Variants in PAFAH2 observed in about 807,000 individuals in gnomAD.
PAFAH2 encodes platelet activating factor acetylhydrolase 2, also known as platelet-activating factor acetylhydrolase 2, cytoplasmic.
A neutral mutation model predicts 49.0 loss-of-function variants in PAFAH2; 42 were observed. That is an observed-to-expected ratio of 0.86 (90% CI 0.67 to 1.11). The LOEUF is 1.11. Among genes scored for constraint, PAFAH2 ranks in the 50% least tolerant of loss-of-function variants. PAFAH2 has a pLI of 0.00. For synonymous variants in PAFAH2, 184 were observed against 181.3 expected (o/e 1.01, Z -0.12); for missense variants, 503 against 501.8 (o/e 1.00, Z -0.02).
chr1:25,974,483 A>G lies in PAFAH2; in HGVS notation c.926T>C (p.Val309Ala), dbSNP rs764040248. The G allele has an allele frequency of 5.0e-6, 8 of 1,603,454 alleles. No individual in the cohort carries two copies. In the Middle Eastern group the frequency reaches 5.0e-4, roughly 100 times the overall value. Residue 309 changes from valine (V) to alanine (A), a missense_variant, in exon 9 of 11, where the codon GTT becomes GCT. Coordinates refer to ENST00000374282, the MANE Select transcript of PAFAH2 (RefSeq NM_000437.4). ...AQHEQSRIITVLGSVHRSQTD... is the reference protein window; with the variant it reads ...AQHEQSRIITALGSVHRSQTD... Reference sequence around the variant, plus strand: ...CACGACCTTGTGGTTTACTCACAGAACGGTTATGATCCTAGACTGTTCATG... The same window carrying G: ...CACGACCTTGTGGTTTACTCACAGAGCGGTTATGATCCTAGACTGTTCATG...
rs749673118 is a variant in PAFAH2, at chr1:25,984,487, C to T, written c.383G>A (p.Gly128Asp). ...GTGCTCTGGCACAGCAACCACAAAG[C>T]CACGTGAGGCCAGCTCCATGCAGAA... ...SAFCMELASR[G>D]FVVAVPEHRD... The change falls in exon 5 of 11, where the codon GGC (glycine) becomes GAC (aspartate). Residue 128 changes from glycine (G) to aspartate (D), a missense_variant. Coordinates refer to ENST00000374282, the MANE Select transcript of PAFAH2 (RefSeq NM_000437.4). The T allele has an allele frequency of 1.9e-5, 30 of 1,613,834 alleles. No individual in the cohort carries two copies. The South Asian group carries it at 3.2e-4, about 17-fold the overall frequency.
intron 2 of PAFAH2, among the ~76,000 whole-genome samples, chr1:25,989,849 G>T (rs2049848147): frequency 6.6e-6 from 1 of 152,082 alleles, no homozygotes; most frequent in African/African-American, 2.4e-5. Context: ...TGTGGGAGGG[G>T]GCACCAAAAA....
intron 6 of PAFAH2, among the ~76,000 whole-genome samples, chr1:25,983,086 G>A (rs1026408157): frequency 5.3e-5 from 8 of 152,274 alleles, no homozygotes; most frequent in African/African-American, 1.9e-4. Flanking sequence ...CACAAGGTCA[G>A]AGCTGTCAAG....
At chr1:25,986,942 C>T (rs765867280) in intron 4 of PAFAH2, among the ~76,000 whole-genome samples, 1 of 151,978 alleles carries the variant, frequency 6.6e-6, no homozygotes, top group Non-Finnish European at 1.5e-5. Flanking sequence ...GATCATATTT[C>T]GTTTTAAAAT....
chr1:25,966,347 G>A (rs565673259), intron 10 of PAFAH2, among the ~76,000 whole-genome samples: 2 of 152,206 alleles, frequency 1.3e-5, no homozygotes, highest in South Asian at 4.1e-4. Flanking sequence ...AGCCACAATA[G>A]CAAAGATATG....
chr1:25,985,340 C>T (rs1422066903), intron 4 of PAFAH2, among the ~76,000 whole-genome samples: 1 of 152,168 alleles, frequency 6.6e-6, no homozygotes, highest in Admixed American at 6.5e-5. Flanking sequence ...TGCACATATT[C>T]CAACTTAGGA....
At chr1:25,988,177 G>C (rs906012576) in intron 4 of PAFAH2, 54 bp downstream of exon 4, 2 of 1,137,644 alleles carry the variant, frequency 1.8e-6, no homozygotes, top group African/African-American at 1.6e-5. Context: ...CTAAGACTCA[G>C]CAGCTGTCAC....
chr1:25,982,429 C>A lies in PAFAH2; in HGVS notation c.601G>T (p.Glu201Ter). 1 of 1,614,180 alleles carries A rather than the reference C, an allele frequency of 6.2e-7. No homozygotes were observed. Among genetic ancestry groups the A allele is most frequent in the Non-Finnish European group, 8.5e-7 (1 of 1,180,034 alleles). ...ECLRVLKILQ[E>*]VTAGQTVFNI... ...AAGACAGTCTGCCCAGCAGTGACCT[C>A]TTGCAGGATCTTCAACACCCGTAAA... The change falls in exon 7 of 11, where the codon GAG (glutamate) becomes TAG (stop). Residue 201 changes from glutamate (E) to a stop codon, truncating the protein, a stop_gained. Transcript: ENST00000374282. LOFTEE classifies it high-confidence loss of function.
intron 4 of PAFAH2, among the ~76,000 whole-genome samples, chr1:25,984,957 T>G (rs2049759345): frequency 6.7e-6 from 1 of 149,690 alleles, no homozygotes; most frequent in Non-Finnish European, 1.5e-5. Flanking sequence ...CGGGGTCAAG[T>G]GATTCTCCTG....
chr1:25,964,306 G>T (rs755098349), intron 10 of PAFAH2: 1 of 152,122 alleles, frequency 6.6e-6, no homozygotes, highest in South Asian at 2.1e-4. Context: ...TTTTTAAAGA[G>T]AAATAAATAA....
chr1:25,998,040 C>G lies in PAFAH2; in HGVS notation c.-63G>C, dbSNP rs1230917253. The G allele has an allele frequency of 6.6e-6, 1 of 152,206 alleles. No individual in the cohort carries two copies. The highest frequency in any genetic ancestry group is 1.5e-5 in the Non-Finnish European group (1 of 68,038). 9.4% of individuals were successfully genotyped at this position (152,206 alleles called of 1,614,324 possible). A position where few individuals can be genotyped will look rare whatever the true frequency, so the allele number is the denominator to read the frequency against. ...TCAAACTTACCCAGTCAAGCTGATTCCTCAGAAGCAGCCCCAGACGTTTAA... is the reference window on the plus strand; with the variant it reads ...TCAAACTTACCCAGTCAAGCTGATTGCTCAGAAGCAGCCCCAGACGTTTAA... On this transcript the variant is annotated 5_prime_UTR_variant, in exon 1 of 11. Coordinates refer to ENST00000374282, the MANE Select transcript of PAFAH2 (RefSeq NM_000437.4).
chr1:25,974,076 T>C (rs966832144), intron 9 of PAFAH2, among the ~76,000 whole-genome samples: 7 of 152,188 alleles, frequency 4.6e-5, no homozygotes, highest in African/African-American at 1.4e-4. Flanking sequence ...CTGGTATTCA[T>C]GAAGGTCTCT....
chr1:25,961,707 G>C lies in PAFAH2; in HGVS notation c.*282C>G. ...ATCCAGGCCTCACAGTGCTCAGCCC[G>C]GGGCCTGGGTCTCCCCCAGTCCCAC... is the stretch of plus-strand genomic sequence containing the variant. On this transcript the variant is annotated 3_prime_UTR_variant, in exon 11 of 11. Transcript: ENST00000374282. 3.3e-6 allele frequency: 1 copy of C among 302,488 alleles called. No homozygotes were observed. 18.7% of individuals were successfully genotyped at this position (302,488 alleles called of 1,614,324 possible). A position where few individuals can be genotyped will look rare whatever the true frequency, so the allele number is the denominator to read the frequency against.
chr1:25,976,227 C>T (rs1305691795), intron 8 of PAFAH2, among the ~76,000 whole-genome samples: 2 of 152,150 alleles, frequency 1.3e-5, no homozygotes, highest in East Asian at 3.8e-4. Context: ...TAACCTGGAA[C>T]TCCTGGGCTC....
chr1:25,966,735 T>C (rs1210586842), intron 10 of PAFAH2, among the ~76,000 whole-genome samples: 1 of 151,892 alleles, frequency 6.6e-6, no homozygotes, highest in Non-Finnish European at 1.5e-5. Flanking sequence ...AATATAGCTG[T>C]GTAAGAAAAT....
At chr1:25,989,772 A>G (rs1352390787) in intron 2 of PAFAH2, among the ~76,000 whole-genome samples, 171 bp from the exon 3 acceptor site, 1 of 152,242 alleles carries the variant, frequency 6.6e-6, no homozygotes, top group African/African-American at 2.4e-5. Flanking sequence ...GAAAGAAGCA[A>G]TTTGATTTTT....
chr1:25,967,841 G>A (rs2049449614), intron 10 of PAFAH2, among the ~76,000 whole-genome samples: 1 of 152,168 alleles, frequency 6.6e-6, no homozygotes, highest in South Asian at 2.1e-4. Flanking sequence ...AGCATGAAAT[G>A]AACCAGCAGA....
At chr1:25,973,523 AGT>A (rs1381738811) in intron 9 of PAFAH2, among the ~76,000 whole-genome samples, 1 of 152,184 alleles carries the variant, frequency 6.6e-6, no homozygotes, top group African/African-American at 2.4e-5. Context: ...AAGTCCCCTG[AGT>A]GTACCCCTTC....
intron 7 of PAFAH2, among the ~76,000 whole-genome samples, chr1:25,977,295 G>C (rs1268890856): frequency 6.7e-6 from 1 of 149,516 alleles, no homozygotes; most frequent in Non-Finnish European, 1.5e-5. Context: ...CACCGCGCCC[G>C]GCTCATGTTT....
Sources: gnomAD v4.1 joint callset for allele counts (sites outside exome capture counted in the v4.1 genomes callset) on GRCh38, gnomAD v4.1.1 for gene constraint, MANE v1.5 for transcripts, NCBI Gene and HGNC (gene_info 2026-07-23, HGNC 2026-07-21) for gene names.